Variants in DNTT observed in about 807,000 individuals in gnomAD.
DNTT encodes the protein DNA nucleotidylexotransferase.
In DNTT, 47 loss-of-function variants were observed where a neutral mutation model predicts 60.9. That is an observed-to-expected ratio of 0.77 (90% CI 0.61 to 0.98). The LOEUF (loss-of-function observed/expected upper bound fraction) is 0.98, where lower values mean the gene tolerates loss of function less well. Ranked by LOEUF, DNTT falls within the 50% of genes least tolerant of loss-of-function variation. The pLI, the probability that DNTT is intolerant of heterozygous loss-of-function variation, is 0.00. For missense variants in DNTT, 665 were observed against 627.5 expected, an observed-to-expected ratio of 1.06 and a Z score of -0.64; for synonymous variants, 224 against 221.2, an observed-to-expected ratio of 1.01 and a Z score of -0.11.
At chr10:96,331,900 C>T (rs1186946157) in intron 8 of DNTT, among the ~76,000 whole-genome samples, 1 of 152,180 alleles carries the variant, frequency 6.6e-6, no homozygotes, top group Admixed American at 6.5e-5. Flanking sequence ...ACCTCAGCCT[C>T]CTGAGTAGCT....
chr10:96,318,627 C>A, intron 2 of DNTT, 101 bp downstream of exon 2: 1 of 1,419,706 alleles, frequency 7.0e-7, no homozygotes, highest in Non-Finnish European at 9.5e-7. Context: ...TCTCTGCTTA[C>A]TACCTGTGTG....
chr10:96,305,443 C>G (rs1844622183), intron 1 of DNTT, among the ~76,000 whole-genome samples: 2 of 152,140 alleles, frequency 1.3e-5, no homozygotes, highest in Admixed American at 1.3e-4. Context: ...TCTGTGTAAG[C>G]TCTTCACTGA....
chr10:96,337,864 T>C (rs1845092346), intron 10 of DNTT, among the ~76,000 whole-genome samples: 1 of 152,236 alleles, frequency 6.6e-6, no homozygotes, highest in Admixed American at 6.5e-5. Flanking sequence ...GTTGTTCTAA[T>C]AAACAGCTGT....
chr10:96,331,703 G>A (rs1845008718), intron 8 of DNTT, among the ~76,000 whole-genome samples: 2 of 152,314 alleles, frequency 1.3e-5, no homozygotes, highest in East Asian at 1.9e-4. Flanking sequence ...GTGAGATTTA[G>A]GGGGACAAAC....
chr10:96,332,439 A>G lies in DNTT; in HGVS notation c.1202A>G (p.Gln401Arg). 6.2e-7 allele frequency: 1 copy of G among 1,614,190 alleles called. No individual in the cohort carries two copies. Among genetic ancestry groups the G allele is most frequent in the Non-Finnish European group, 8.5e-7 (1 of 1,180,020 alleles). Residue 401 changes from glutamine (Q) to arginine (R), a missense_variant, in exon 9 of 11, where the codon CAA becomes CGA. Transcript: ENST00000371174. ...SRKVDALDHF[Q>R]KCFLIFKLPR... ...AAGGTTGATGCTTTGGATCATTTTC[A>G]AAAGTGCTTTCTGATTTTCAAATTG...
At chr10:96,319,610 T>C (rs1844841253) in intron 3 of DNTT, among the ~76,000 whole-genome samples, 1 of 152,230 alleles carries the variant, frequency 6.6e-6, no homozygotes, top group South Asian at 2.1e-4. Flanking sequence ...TAGGTTATAT[T>C]CTTTAGAGAC....
chr10:96,327,852 T>C (rs1422501371), intron 7 of DNTT, among the ~76,000 whole-genome samples: 1 of 152,224 alleles, frequency 6.6e-6, no homozygotes, highest in African/African-American at 2.4e-5. Context: ...CCTCAAATTG[T>C]CGCTTGGCTG....
intron 5 of DNTT, among the ~76,000 whole-genome samples, chr10:96,323,847 G>T (rs569218250): frequency 2.0e-5 from 3 of 152,248 alleles, no homozygotes; most frequent in South Asian, 4.2e-4. Flanking sequence ...CCTGTATGAT[G>T]GTGGAGAAAC....
At chr10:96,317,401 G>C (rs1844798880) in intron 1 of DNTT, among the ~76,000 whole-genome samples, 1 of 152,158 alleles carries the variant, frequency 6.6e-6, no homozygotes. Context: ...TTAAGAAAAA[G>C]ATCCCTGTCC....
At chr10:96,330,517 C>T (rs762079014) in intron 8 of DNTT, among the ~76,000 whole-genome samples, 7 of 152,208 alleles carry the variant, frequency 4.6e-5, no homozygotes, top group Non-Finnish European at 5.9e-5. Flanking sequence ...AGGTTAACTA[C>T]GGCAACATCT....
chr10:96,330,991 A>G (rs903160226), intron 8 of DNTT, among the ~76,000 whole-genome samples: 3 of 152,160 alleles, frequency 2.0e-5, no homozygotes, highest in Non-Finnish European at 4.4e-5. Flanking sequence ...AGTGGTTGCT[A>G]GCATGTTTCT....
intron 1 of DNTT, among the ~76,000 whole-genome samples, chr10:96,312,709 AGACT>A (rs1164318424): frequency 6.6e-6 from 1 of 152,258 alleles, no homozygotes; most frequent in Non-Finnish European, 1.5e-5. Context: ...TAACGAAAAC[AGACT>A]GACTATATCA....
chr10:96,334,381 C>T (rs1845042751), intron 9 of DNTT, among the ~76,000 whole-genome samples: 1 of 152,200 alleles, frequency 6.6e-6, no homozygotes, highest in Admixed American at 6.5e-5. Flanking sequence ...GTAGTAGCTT[C>T]CATATCCTGT....
intron 1 of DNTT, among the ~76,000 whole-genome samples, chr10:96,314,986 C>A (rs961697172): frequency 1.3e-5 from 2 of 152,038 alleles, no homozygotes; most frequent in Non-Finnish European, 2.9e-5. Context: ...GGTAAGGGCT[C>A]GGAGCTGAAA....
At position 96,323,029 on chromosome 10, in the gene DNTT, G is replaced by A. The variant is rs867709556; in HGVS notation, c.750+301G>A. ...GTCACAAAGACACTAATCCTGGGCC[G>A]GGCACCATAGCTCATGCCTGTAATC... On this transcript the variant is annotated intron_variant, in intron 5 of 10. Coordinates refer to ENST00000371174, the MANE Select transcript of DNTT (RefSeq NM_004088.4). Among the ~76,000 whole-genome samples the A allele has an allele frequency of 6.6e-5, 10 of 152,152 alleles. No homozygotes were observed. In the South Asian group the frequency reaches 1.0e-3, roughly 16 times the overall value.
chr10:96,321,149 T>TG (rs1301763232), intron 4 of DNTT, among the ~76,000 whole-genome samples: 1 of 152,000 alleles, frequency 6.6e-6, no homozygotes, highest in Admixed American at 6.6e-5. Flanking sequence ...AGAATTCGAC[T>TG]GGGGGGCATA....
Position 96,318,389 on chromosome 10 carries a change from G to C in DNTT, c.241G>C (p.Gly81Arg). The C allele has an allele frequency of 6.2e-7, 1 of 1,613,362 alleles. No homozygotes were observed. Among genetic ancestry groups the C allele is most frequent in the Non-Finnish European group, 8.5e-7 (1 of 1,179,610 alleles). ...VTHIVAENNS[G>R]SDVLEWLQAQ... ...CCACATCGTAGCAGAGAACAACTCG[G>C]GTTCGGATGTTCTGGAGTGGCTTCA... is the stretch of plus-strand genomic sequence containing the variant. The change falls in exon 2 of 11, where the codon GGT (glycine) becomes CGT (arginine). Residue 81 changes from glycine (G) to arginine (R), a missense_variant. Gly to Arg is a moderately radical substitution (Grantham distance 125, BLOSUM62 -2). Transcript: ENST00000371174.
chr10:96,334,778 T>C (rs1845048111), intron 9 of DNTT, among the ~76,000 whole-genome samples: 1 of 152,166 alleles, frequency 6.6e-6, no homozygotes, highest in Non-Finnish European at 1.5e-5. Context: ...ACATAGTTGA[T>C]TGAGAAAGGG....
intron 1 of DNTT, among the ~76,000 whole-genome samples, chr10:96,315,207 C>T (rs980717288): frequency 6.8e-6 from 1 of 146,808 alleles, no homozygotes; most frequent in Non-Finnish European, 1.5e-5. Flanking sequence ...GACCAGTTTT[C>T]AAAAAATGTG....
Sources: gnomAD v4.1 joint callset for allele counts (sites outside exome capture counted in the v4.1 genomes callset) on GRCh38, gnomAD v4.1.1 for gene constraint, MANE v1.5 for transcripts, NCBI Gene and HGNC (gene_info 2026-07-23, HGNC 2026-07-21) for gene names.